The following RASEF variants were observed in gnomAD, a reference collection of about 807,000 sequenced individuals.
RASEF encodes RAS and EF-hand domain containing, also known as ras and EF-hand domain-containing protein.
Under a neutral mutation model 90.1 loss-of-function variants are expected in RASEF, and 68 were observed. That is an observed-to-expected ratio of 0.75 (90% CI 0.62 to 0.92). The LOEUF (loss-of-function observed/expected upper bound fraction) is 0.92, where lower values mean the gene tolerates loss of function less well. Among genes scored for constraint, RASEF ranks in the 40% least tolerant of loss-of-function variants. The pLI is 0.00. For missense variants in RASEF, 949 were observed against 937.2 expected (o/e 1.01, Z -0.16); for synonymous variants, 331 against 345.2 (o/e 0.96, Z 0.46).
the RASEF span, among the ~76,000 whole-genome samples, chr9:83,086,985 A>T: frequency 6.6e-6 from 1 of 152,192 alleles, no homozygotes; most frequent in South Asian, 2.1e-4. Flanking sequence ...GTTGGGGATC[A>T]TTGGGGCCAT....
the RASEF span, among the ~76,000 whole-genome samples, chr9:83,211,395 A>T: frequency 6.6e-6 from 1 of 152,208 alleles, no homozygotes; most frequent in Non-Finnish European, 1.5e-5. Flanking sequence ...GGTAGCCATG[A>T]TTCTGCTGGG....
At chr9:83,033,109 C>T (rs939156512) in intron 1 of RASEF, among the ~76,000 whole-genome samples, 2 of 152,056 alleles carry the variant, frequency 1.3e-5, no homozygotes, top group Non-Finnish European at 2.9e-5. Flanking sequence ...CATCTAGAAC[C>T]CAGTTTTTGT....
At chr9:83,203,482 G>T in the RASEF span, among the ~76,000 whole-genome samples, 4 of 151,896 alleles carry the variant, frequency 2.6e-5, no homozygotes. Flanking sequence ...CATCATGTTG[G>T]CCAGGCTGGT....
chr9:83,182,763 G>A, the RASEF span, among the ~76,000 whole-genome samples: 5 of 152,020 alleles, frequency 3.3e-5, no homozygotes, highest in East Asian at 9.6e-4. Context: ...GGTGATTTAC[G>A]TTTGGTGAAA....
chr9:83,191,082 G>T, the RASEF span, among the ~76,000 whole-genome samples: 2 of 152,114 alleles, frequency 1.3e-5, no homozygotes, highest in Non-Finnish European at 2.9e-5. Flanking sequence ...AAGAAGAAAA[G>T]AAATTTAGCA....
At chr9:82,983,564 G>T (rs1301591964) in intron 16 of RASEF, among the ~76,000 whole-genome samples, 1 of 152,164 alleles carries the variant, frequency 6.6e-6, no homozygotes, top group African/African-American at 2.4e-5. Context: ...GCCTCCCTAA[G>T]ATGGCCCCAA....
chr9:82,989,474 A>G (rs1160539691), intron 16 of RASEF, among the ~76,000 whole-genome samples: 1 of 152,186 alleles, frequency 6.6e-6, no homozygotes, highest in Non-Finnish European at 1.5e-5. Context: ...GCTGAAACCA[A>G]TGGGATCTGC....
At chr9:83,045,399 C>T (rs1829910546) in intron 1 of RASEF, among the ~76,000 whole-genome samples, 1 of 152,196 alleles carries the variant, frequency 6.6e-6, no homozygotes, top group African/African-American at 2.4e-5. Context: ...TATCATTCAA[C>T]AGGGCAGGTC....
chr9:83,011,894 C>T (rs1404652131), intron 5 of RASEF, among the ~76,000 whole-genome samples: 1 of 152,138 alleles, frequency 6.6e-6, no homozygotes, highest in African/African-American at 2.4e-5. Context: ...AAGCCTCACT[C>T]ATTTCTTAGC....
chr9:82,989,944 C>T (rs181554245), intron 16 of RASEF, among the ~76,000 whole-genome samples: 1 of 152,286 alleles, frequency 6.6e-6, no homozygotes, highest in East Asian at 1.9e-4. Context: ...ATTATTAACA[C>T]TATTGCCTTA....
intron 1 of RASEF, among the ~76,000 whole-genome samples, chr9:83,026,437 T>C (rs2118578696): frequency 6.6e-6 from 1 of 152,222 alleles, no homozygotes; most frequent in African/African-American, 2.4e-5. Context: ...CTTACAAACA[T>C]GGCAGAAGGG....
intron 3 of RASEF, 97 bp downstream of exon 3, chr9:83,022,239 T>C: frequency 3.4e-6 from 3 of 890,290 alleles, no homozygotes; most frequent in Non-Finnish European, 5.6e-6. Flanking sequence ...CTGGACTTGC[T>C]GTACCCCTGC....
chr9:83,062,924 C>T lies in RASEF; in HGVS notation c.-57G>A. 1 of 1,372,692 alleles carries T rather than the reference C, an allele frequency of 7.3e-7. No individual in the cohort carries two copies. Among genetic ancestry groups the T allele is most frequent in the Non-Finnish European group, 9.3e-7 (1 of 1,072,070 alleles). The allele number at this position is 1,372,692 out of a possible 1,614,324, so 85.0% of individuals were successfully genotyped here. ...GGAGCGCCGCGGGGCGCAGGGCCCTCCCTGGAAGGACGGGGCCACCTGCTG... is the reference window on the plus strand; with the variant it reads ...GGAGCGCCGCGGGGCGCAGGGCCCTTCCTGGAAGGACGGGGCCACCTGCTG... On this transcript the variant is annotated 5_prime_UTR_variant, in exon 1 of 17. Transcript: ENST00000376447.
intron 6 of RASEF, 146 bp from the exon 7 acceptor site, chr9:83,007,651 G>GGCCTCTGT (rs1829158891): frequency 3.1e-6 from 2 of 634,988 alleles, no homozygotes. Context: ...TCCTGCTCTG[G>GGCCTCTGT]GCCTCTGTGG....
chr9:83,092,794 C>T, the RASEF span, among the ~76,000 whole-genome samples: 5 of 152,030 alleles, frequency 3.3e-5, no homozygotes, highest in South Asian at 4.2e-4. Context: ...CTGATTGGTG[C>T]GTTTACAATC....
At chr9:83,076,651 C>G in the RASEF span, among the ~76,000 whole-genome samples, 2 of 152,056 alleles carry the variant, frequency 1.3e-5, no homozygotes, top group African/African-American at 4.8e-5. Flanking sequence ...TCAAATTGTT[C>G]TATTATTTTG....
chr9:83,033,787 C>T (rs1382907976), intron 1 of RASEF, among the ~76,000 whole-genome samples: 1 of 152,186 alleles, frequency 6.6e-6, no homozygotes, highest in Non-Finnish European at 1.5e-5. Flanking sequence ...CCAGCTTTTA[C>T]TCTAGAATAG....
In RASEF at chr9:83,047,009, A is replaced by G. The variant is rs563153082; in HGVS notation, c.431+15428T>C. ...TGAAATGGCCATCTGAGCATGTGCC[A>G]TACTTTTACAGTTGTAAATGATCAC... On this transcript the variant is annotated intron_variant, in intron 1 of 16. Coordinates refer to ENST00000376447, the MANE Select transcript of RASEF (RefSeq NM_152573.4). Among the ~76,000 whole-genome samples, 76 of 152,348 alleles carry G rather than the reference A, an allele frequency of 5.0e-4. 1 individual carries two copies. The highest frequency in any genetic ancestry group is 2.1e-3 in the South Asian group (10 of 4,824).
chr9:83,061,702 C>T (rs961794398), intron 1 of RASEF, among the ~76,000 whole-genome samples: 33 of 152,190 alleles, frequency 2.2e-4, no homozygotes, highest in Admixed American at 2.2e-3. Context: ...CACGTTATTT[C>T]TGTCAGAGCA....
Sources: gnomAD v4.1 joint callset for allele counts (sites outside exome capture counted in the v4.1 genomes callset) on GRCh38, gnomAD v4.1.1 for gene constraint, MANE v1.5 for transcripts, NCBI Gene and HGNC (gene_info 2026-07-23, HGNC 2026-07-21) for gene names.